CATSPERT: variants seen among roughly 807,000 people sequenced by gnomAD.
CATSPERT encodes the protein catsper channel auxiliary subunit tau, also known as cation channel sperm-associated targeting subunit tau.
chr2:201,534,990 AAAAG>A, the CATSPERT span: 2 of 454,156 alleles, frequency 4.4e-6, no homozygotes, highest in African/African-American at 4.2e-5. Flanking sequence ...AAGAAAGACT[AAAAG>A]AAAATAAAAT....
the CATSPERT span, among the ~76,000 whole-genome samples, chr2:201,600,810 G>A: frequency 6.6e-5 from 10 of 151,366 alleles, no homozygotes; most frequent in Non-Finnish European, 1.0e-4. Flanking sequence ...GGAGTGCGAT[G>A]GCATGATCTC....
At chr2:201,563,299 C>T in the CATSPERT span, among the ~76,000 whole-genome samples, 1 of 131,446 alleles carries the variant, frequency 7.6e-6, no homozygotes, top group African/African-American at 3.0e-5. Flanking sequence ...CCGGACGGGG[C>T]GGCTGGCCGG....
chr2:201,545,629 C>CAA, the CATSPERT span: 817 of 156,208 alleles, frequency 5.2e-3, 10 homozygotes, highest in Middle Eastern at 0.013. Flanking sequence ...TTCCTAGAAG[C>CAA]AAAAAAAAAA....
the CATSPERT span, among the ~76,000 whole-genome samples, chr2:201,617,105 C>A: frequency 3.2e-4 from 48 of 152,084 alleles, no homozygotes; most frequent in African/African-American, 1.1e-3. Flanking sequence ...GATAGGAAGA[C>A]TCAATATTGT....
At chr2:201,597,623 G>A in the CATSPERT span, among the ~76,000 whole-genome samples, 7 of 152,068 alleles carry the variant, frequency 4.6e-5, no homozygotes, top group Non-Finnish European at 8.8e-5. Context: ...CTGTAAATGT[G>A]GAGCTCACCG....
At chr2:201,612,821 C>T in the CATSPERT span, among the ~76,000 whole-genome samples, 265 of 152,248 alleles carry the variant, frequency 1.7e-3, 1 homozygote, top group Non-Finnish European at 2.9e-3. Flanking sequence ...CTGTGACAGA[C>T]GGCACCTGGA....
the CATSPERT span, among the ~76,000 whole-genome samples, chr2:201,527,507 T>C: frequency 0.61 from 93,178 of 151,992 alleles, 30,325 homozygotes; most frequent in East Asian, 0.95. Flanking sequence ...AACTTCAAAC[T>C]ACAGTACAAG....
the CATSPERT span, among the ~76,000 whole-genome samples, chr2:201,531,560 G>A: frequency 2.6e-5 from 4 of 152,266 alleles, no homozygotes; most frequent in South Asian, 8.3e-4. Flanking sequence ...GAGGGTGGAT[G>A]GGTAGATAAT....
the CATSPERT span, among the ~76,000 whole-genome samples, chr2:201,515,229 T>TAGG: frequency 1.3e-5 from 1 of 76,376 alleles, no homozygotes; most frequent in African/African-American, 7.9e-5. Flanking sequence ...TTTTTTTTTT[T>TAGG]TTTTTTTTTT....
At chr2:201,521,997 A>T in the CATSPERT span, among the ~76,000 whole-genome samples, 1 of 152,208 alleles carries the variant, frequency 6.6e-6, no homozygotes, top group Non-Finnish European at 1.5e-5. Flanking sequence ...TACTCAATTC[A>T]ATGTATTTAA....
At chr2:201,498,847 T>C in the CATSPERT span, among the ~76,000 whole-genome samples, 1 of 151,676 alleles carries the variant, frequency 6.6e-6, no homozygotes, top group Non-Finnish European at 1.5e-5. Flanking sequence ...AACCATTCTC[T>C]AAGGAGAATA....
chr2:201,584,245 G>A, the CATSPERT span, among the ~76,000 whole-genome samples: 2 of 152,100 alleles, frequency 1.3e-5, no homozygotes, highest in Non-Finnish European at 2.9e-5. Flanking sequence ...AGCCGTGATC[G>A]CGCCACTGCA....
the CATSPERT span, among the ~76,000 whole-genome samples, chr2:201,518,944 A>C: frequency 6.6e-6 from 1 of 152,228 alleles, no homozygotes; most frequent in African/African-American, 2.4e-5. Flanking sequence ...GCACTTCTTT[A>C]CACATGACTC....
At chr2:201,551,269 TAC>T in the CATSPERT span, among the ~76,000 whole-genome samples, 501 of 152,314 alleles carry the variant, frequency 3.3e-3, 4 homozygotes, top group African/African-American at 0.011. Flanking sequence ...CCATAAAATA[TAC>T]ACAGATTTAT....
chr2:201,529,668 G>A, the CATSPERT span, among the ~76,000 whole-genome samples: 1 of 152,024 alleles, frequency 6.6e-6, no homozygotes, highest in Non-Finnish European at 1.5e-5. Flanking sequence ...AAAACATAAG[G>A]GAAAATCTCC....
chr2:201,532,717 T>C, the CATSPERT span, among the ~76,000 whole-genome samples: 1 of 152,282 alleles, frequency 6.6e-6, no homozygotes, highest in Admixed American at 6.5e-5. Context: ...TAGGAGAATG[T>C]AATATTACAA....
At chr2:201,525,607 A>T in the CATSPERT span, among the ~76,000 whole-genome samples, 2 of 152,318 alleles carry the variant, frequency 1.3e-5, no homozygotes, top group South Asian at 4.1e-4. Context: ...AAGAAAAGAA[A>T]TAACCAAAAT....
chr2:201,581,819 G>T, the CATSPERT span, among the ~76,000 whole-genome samples: 4 of 151,272 alleles, frequency 2.6e-5, no homozygotes, highest in Non-Finnish European at 4.4e-5. Context: ...TGTTGGTCAG[G>T]CTGGTCTCGA....
the CATSPERT span, among the ~76,000 whole-genome samples, chr2:201,580,126 C>G: frequency 6.6e-6 from 1 of 152,110 alleles, no homozygotes; most frequent in Non-Finnish European, 1.5e-5. Context: ...GATTACAGGC[C>G]TGAGCCACTG....
Sources: gnomAD v4.1 joint callset for allele counts (sites outside exome capture counted in the v4.1 genomes callset) on GRCh38, gnomAD v4.1.1 for gene constraint, MANE v1.5 for transcripts, NCBI Gene and HGNC (gene_info 2026-07-23, HGNC 2026-07-21) for gene names.